The following CUX2 variants were observed in gnomAD, a reference collection of about 807,000 sequenced individuals.
The protein encoded by CUX2 is homeobox protein cut-like 2.
Under a neutral mutation model 144.8 loss-of-function variants are expected in CUX2, and 40 were observed. The ratio of observed to expected loss-of-function variants is 0.28; its 90% CI spans 0.21 to 0.36. The LOEUF (loss-of-function observed/expected upper bound fraction) is 0.36. CUX2 is among the 10% of genes least tolerant of loss of function. CUX2 has a pLI of 1.00. For missense variants in CUX2, 1,615 were observed against 1,994.0 expected, an observed-to-expected ratio of 0.81 and a Z score of 3.62; for synonymous variants, 827 against 875.6, an observed-to-expected ratio of 0.94 and a Z score of 0.98.
At chr12:111,167,142 G>A (rs987059579) in intron 1 of CUX2, among the ~76,000 whole-genome samples, 5 of 152,254 alleles carry the variant, frequency 3.3e-5, no homozygotes, top group Middle Eastern at 3.4e-3. Context: ...TCTGTCTCTT[G>A]CTATCCCTTG....
chr12:111,096,214 G>A (rs1872807878), intron 1 of CUX2, among the ~76,000 whole-genome samples: 1 of 152,142 alleles, frequency 6.6e-6, no homozygotes, highest in East Asian at 1.9e-4. Context: ...CTTGCCAACA[G>A]CCTAGAGAGT....
intron 3 of CUX2, among the ~76,000 whole-genome samples, chr12:111,241,124 C>T (rs1486332478): frequency 1.3e-5 from 2 of 152,162 alleles, no homozygotes; most frequent in Non-Finnish European, 2.9e-5. Flanking sequence ...CCACCTTCCT[C>T]TTGGGGTGGT....
intron 1 of CUX2, among the ~76,000 whole-genome samples, chr12:111,128,041 TAGTG>T (rs955004425): frequency 6.6e-6 from 1 of 152,166 alleles, no homozygotes; most frequent in Non-Finnish European, 1.5e-5. Context: ...CAGTGGGTAA[TAGTG>T]AGTGGTGCCA....
chr12:111,347,867 C>T lies in CUX2; in HGVS notation c.4003C>T (p.Pro1335Ser), dbSNP rs942496326. ...TCCCCCCAAAGAGGAGCATCCCGAC[C>T]CTCCGGGTAATGATGGACTCCCAAA... The part of the protein sequence containing the change: ...QGPPKEEHPD[P>S]PGNDGLPKVA... The change falls in exon 22 of 22, where the codon CCT becomes TCT. Residue 1335 changes from proline (P) to serine (S), a missense_variant. Around this residue, in one of 12 missense-constraint regions of CUX2, gnomAD observed 298 missense variants for 330.4 expected, o/e 0.90. Transcript: ENST00000261726. 5.0e-6 allele frequency: 8 copies of T among 1,614,112 alleles called. No homozygotes were observed. The highest frequency in any genetic ancestry group is 5.9e-6 in the Non-Finnish European group (7 of 1,180,030).
At chr12:111,339,043 G>T (rs968602188) in intron 20 of CUX2, among the ~76,000 whole-genome samples, 1 of 151,954 alleles carries the variant, frequency 6.6e-6, no homozygotes, top group Non-Finnish European at 1.5e-5. Flanking sequence ...GACCAATTTG[G>T]CCAATATGGC....
chr12:111,174,390 A>G (rs76887578), intron 1 of CUX2, among the ~76,000 whole-genome samples: 93 of 152,284 alleles, frequency 6.1e-4, no homozygotes, highest in Non-Finnish European at 1.2e-3. Flanking sequence ...CCACCCTTCA[A>G]TCTGTGAACC....
chr12:111,271,079 C>CA (rs1480700125), intron 4 of CUX2, among the ~76,000 whole-genome samples: 16 of 152,186 alleles, frequency 1.1e-4, no homozygotes, highest in African/African-American at 3.9e-4. Context: ...CAGGGTATAA[C>CA]AGTTATAGGA....
intron 1 of CUX2, among the ~76,000 whole-genome samples, chr12:111,101,965 G>A (rs989928151): frequency 5.9e-5 from 9 of 152,344 alleles, no homozygotes; most frequent in Non-Finnish European, 1.2e-4. Flanking sequence ...GTTATAGTAA[G>A]TACTATAGAG....
At chr12:111,316,004 T>C (rs10849931) in intron 16 of CUX2, among the ~76,000 whole-genome samples, 62,935 of 152,180 alleles carry the variant, frequency 0.41, 18,363 homozygotes, top group East Asian at 0.89. Flanking sequence ...ACGTGGTTGC[T>C]CCTAAGAGAC....
chr12:111,336,460 T>TGTGTGTGTGTGTGTGTG (rs1490518484), intron 19 of CUX2, among the ~76,000 whole-genome samples: 22 of 130,830 alleles, frequency 1.7e-4, no homozygotes, highest in African/African-American at 6.8e-4. Flanking sequence ...GTGTGTGTGT[T>TGTGTGTGTGTGTGTGTG]TAAGATGGAG....
intron 3 of CUX2, among the ~76,000 whole-genome samples, chr12:111,223,339 A>G (rs1162324479): frequency 2.6e-5 from 4 of 152,158 alleles, no homozygotes; most frequent in Admixed American, 1.3e-4. Flanking sequence ...CAGAGGTTCT[A>G]TTTGTTTGCT....
chr12:111,177,792 G>A (rs987426289), intron 1 of CUX2, among the ~76,000 whole-genome samples: 2 of 152,254 alleles, frequency 1.3e-5, no homozygotes, highest in East Asian at 1.9e-4. Flanking sequence ...GGGCTGGCCC[G>A]AGGCCTGGGT....
At position 111,061,340 on chromosome 12, in the gene CUX2, G is replaced by A. The variant is rs1870766810; in HGVS notation, c.63+27100G>A. 6.6e-6 allele frequency among the ~76,000 whole-genome samples: 1 copy of A among 152,156 alleles called. No individual in the cohort carries two copies. Among genetic ancestry groups the A allele is most frequent in the Admixed American group, 6.5e-5 (1 of 15,282 alleles). On this transcript the variant is annotated intron_variant, in intron 1 of 21. Coordinates refer to ENST00000261726, the MANE Select transcript of CUX2 (RefSeq NM_015267.4). The surrounding 1 kb of genome is among the most constrained non-coding windows in gnomAD (Gnocchi z 4.2). ...GTTTGAGTCACTATGGGACAATGAG[G>A]AGAGCCACTGAGGAAAGCTTTTCGG...
chr12:111,089,734 A>G (rs1872450233), intron 1 of CUX2, among the ~76,000 whole-genome samples: 1 of 152,252 alleles, frequency 6.6e-6, no homozygotes, highest in Admixed American at 6.5e-5. Flanking sequence ...AACAGCAAGT[A>G]CAAAGGCTCA....
At chr12:111,066,266 A>G (rs1163634021) in intron 1 of CUX2, among the ~76,000 whole-genome samples, 1 of 152,148 alleles carries the variant, frequency 6.6e-6, no homozygotes, top group African/African-American at 2.4e-5. Context: ...TGACCTATAT[A>G]TTTAAAGGGA....
intron 1 of CUX2, among the ~76,000 whole-genome samples, chr12:111,101,134 G>A (rs929236100): frequency 3.3e-5 from 5 of 152,190 alleles, no homozygotes; most frequent in Admixed American, 2.0e-4. Context: ...TTTGTGACAC[G>A]AATGCGCTTT....
At chr12:111,176,039 CTTTTTTTTTTTT>C (rs1172563784) in intron 1 of CUX2, among the ~76,000 whole-genome samples, 1 of 70,198 alleles carries the variant, frequency 1.4e-5, no homozygotes, top group Non-Finnish European at 2.6e-5. Context: ...TCTTCTTCTT[CTTTTTTTTTTTT>C]TTTTTTTTTT....
rs1291029117 is a variant in CUX2 at position 111,039,905 on chromosome 12, A to T, written c.63+5665A>T. On this transcript the variant is annotated intron_variant, in intron 1 of 21. Transcript: ENST00000261726. The surrounding 1 kb of genome is among the most constrained non-coding windows in gnomAD (Gnocchi z 4.2). ...AGCAATATTTTTGAAACAAAAAATTATGTCTAGGATGGAGTTATTTGGTTT... is the reference window on the plus strand; with the variant it reads ...AGCAATATTTTTGAAACAAAAAATTTTGTCTAGGATGGAGTTATTTGGTTT... Among the ~76,000 whole-genome samples the T allele has an allele frequency of 6.6e-6, 1 of 152,168 alleles. No homozygotes were observed. Among genetic ancestry groups the T allele is most frequent in the Non-Finnish European group, 1.5e-5 (1 of 68,030 alleles).
chr12:111,314,892 C>A (rs1007438491), intron 16 of CUX2, among the ~76,000 whole-genome samples: 2 of 151,820 alleles, frequency 1.3e-5, no homozygotes, highest in Non-Finnish European at 2.9e-5. Flanking sequence ...CCCACTAAAC[C>A]GACAGGACAA....
Sources: gnomAD v4.1 joint callset for allele counts (sites outside exome capture counted in the v4.1 genomes callset) on GRCh38, gnomAD v4.1.1 for gene constraint, gnomAD v4.1.1 regional missense constraint, Gnocchi (gnomAD v3.1) non-coding constraint, MANE v1.5 for transcripts, NCBI Gene and HGNC (gene_info 2026-07-23, HGNC 2026-07-21) for gene names.